ZNF503: variants seen among roughly 807,000 people sequenced by gnomAD.
ZNF503 encodes NocA-like zinc finger 2.
A neutral mutation model predicts 34.4 loss-of-function variants in ZNF503; 15 were observed. The observed-to-expected ratio is 0.44, with a 90% CI of 0.29 to 0.67. The LOEUF (loss-of-function observed/expected upper bound fraction) is 0.67. ZNF503 is among the 30% of genes least tolerant of loss of function. ZNF503 has a pLI of 0.13. For missense variants in ZNF503, 1,007 were observed against 926.8 expected (o/e 1.09, Z -1.12); for synonymous variants, 580 against 456.8 (o/e 1.27, Z -3.44).
chr10:75,333,009 T>C, the ZNF503 span, among the ~76,000 whole-genome samples: 1 of 144,180 alleles, frequency 6.9e-6, no homozygotes, highest in Non-Finnish European at 1.5e-5. Context: ...CCAGACGGGG[T>C]GGTGGCCGGG....
the ZNF503 span, among the ~76,000 whole-genome samples, chr10:75,306,338 C>CT: frequency 9.1e-3 from 1,378 of 151,760 alleles, 24 homozygotes; most frequent in African/African-American, 0.032. Flanking sequence ...ATTTATATAT[C>CT]TTTTTTTTGG....
At chr10:75,310,316 G>A in the ZNF503 span, among the ~76,000 whole-genome samples, 7 of 152,274 alleles carry the variant, frequency 4.6e-5, no homozygotes, top group East Asian at 1.9e-4. Flanking sequence ...AGCTCTCTAC[G>A]TTTGTCTTAT....
the ZNF503 span, among the ~76,000 whole-genome samples, chr10:75,310,833 C>G: frequency 6.6e-6 from 1 of 152,178 alleles, no homozygotes; most frequent in East Asian, 1.9e-4. Flanking sequence ...CTCTCTCCCC[C>G]AACCAGAGCA....
chr10:75,355,089 C>T, the ZNF503 span, among the ~76,000 whole-genome samples: 1 of 152,152 alleles, frequency 6.6e-6, no homozygotes, highest in Non-Finnish European at 1.5e-5. Flanking sequence ...AAATGATTTG[C>T]CCGCCTTGGC....
the ZNF503 span, among the ~76,000 whole-genome samples, chr10:75,368,700 C>G: frequency 6.6e-6 from 1 of 152,150 alleles, no homozygotes; most frequent in Non-Finnish European, 1.5e-5. Flanking sequence ...TCACAGAGAT[C>G]CCTGCATTGG....
At position 75,399,551 on chromosome 10, in the gene ZNF503, G is replaced by A. The variant is rs1172274818; in HGVS notation, c.1139C>T (p.Ala380Val). The change falls in exon 2 of 2, where the codon GCA becomes GTA. Residue 380 changes from alanine to valine, a missense_variant. Transcript: ENST00000372524. ...YPPQFLPHGV[A>V]LDPTKPGSLV... is the part of the protein sequence containing the mutation. ...GCTGCCCGGCTTGGTGGGGTCAAGTGCCACGCCGTGTGGCAGGAACTGGGG... is the reference window on the plus strand; with the variant it reads ...GCTGCCCGGCTTGGTGGGGTCAAGTACCACGCCGTGTGGCAGGAACTGGGG... 4 of 1,594,038 alleles carry A rather than the reference G, an allele frequency of 2.5e-6. No homozygotes were observed. Among genetic ancestry groups the A allele is most frequent in the African/African-American group, 2.7e-5 (2 of 74,808 alleles).
upstream of ZNF503, chr10:75,401,806 G>A (rs372064586): frequency 4.0e-4 from 97 of 243,110 alleles, no homozygotes; most frequent in East Asian, 0.01. Flanking sequence ...CCAAGGGGGA[G>A]ATTAAAGCCT....
chr10:75,297,053 C>A, the ZNF503 span, among the ~76,000 whole-genome samples: 1 of 152,174 alleles, frequency 6.6e-6, no homozygotes, highest in East Asian at 1.9e-4. Context: ...TGTGACCTTG[C>A]CCTTCTGCCA....
At chr10:75,358,758 T>G in the ZNF503 span, 1 of 152,198 alleles carries the variant, frequency 6.6e-6, no homozygotes, top group Non-Finnish European at 1.5e-5. Context: ...TGTTAGCTAA[T>G]GCCAGTCCCT....
At chr10:75,366,732 A>C in the ZNF503 span, among the ~76,000 whole-genome samples, 1 of 152,210 alleles carries the variant, frequency 6.6e-6, no homozygotes, top group African/African-American at 2.4e-5. Flanking sequence ...AGCTTTCTTC[A>C]GCCTTTGGTC....
the ZNF503 span, among the ~76,000 whole-genome samples, chr10:75,341,575 G>A: frequency 5.9e-5 from 9 of 152,094 alleles, no homozygotes; most frequent in Admixed American, 1.3e-4. Flanking sequence ...GCTGAGAATT[G>A]CTAGAATTAA....
chr10:75,351,538 T>C, the ZNF503 span, among the ~76,000 whole-genome samples: 6 of 152,298 alleles, frequency 3.9e-5, no homozygotes, highest in African/African-American at 1.2e-4. Context: ...CTGAGGACTC[T>C]CCACTTTTCA....
the ZNF503 span, among the ~76,000 whole-genome samples, chr10:75,382,084 A>C: frequency 6.6e-6 from 1 of 152,086 alleles, no homozygotes; most frequent in Non-Finnish European, 1.5e-5. Flanking sequence ...TGCTGAGATT[A>C]TAGGCCTGAG....
the ZNF503 span, among the ~76,000 whole-genome samples, chr10:75,324,903 T>G: frequency 6.6e-6 from 1 of 152,198 alleles, no homozygotes; most frequent in African/African-American, 2.4e-5. Flanking sequence ...TTTTCAAGGT[T>G]CATCCATTAT....
the ZNF503 span, among the ~76,000 whole-genome samples, chr10:75,334,568 T>A: frequency 2.0e-5 from 3 of 152,196 alleles, no homozygotes; most frequent in Non-Finnish European, 4.4e-5. Context: ...TGTCTCAGGG[T>A]CAAATTGCAT....
At chr10:75,316,511 T>G in the ZNF503 span, among the ~76,000 whole-genome samples, 1 of 152,044 alleles carries the variant, frequency 6.6e-6, no homozygotes, top group Non-Finnish European at 1.5e-5. Context: ...CACATGCCAC[T>G]GTGCCTGGCC....
the ZNF503 span, chr10:75,358,217 T>C: frequency 6.6e-6 from 1 of 152,196 alleles, no homozygotes; most frequent in African/African-American, 2.4e-5. Flanking sequence ...GAACTTTAAA[T>C]GATTTTATAA....
At chr10:75,326,681 A>C in the ZNF503 span, among the ~76,000 whole-genome samples, 10 of 150,686 alleles carry the variant, frequency 6.6e-5, no homozygotes, top group Non-Finnish European at 1.5e-5. Context: ...TTAATTGTAC[A>C]TATTTATGGG....
At chr10:75,379,547 G>A in the ZNF503 span, among the ~76,000 whole-genome samples, 10 of 152,168 alleles carry the variant, frequency 6.6e-5, no homozygotes, top group Non-Finnish European at 1.2e-4. Context: ...ACTGCTTCAC[G>A]TTGCTGGGAT....
Sources: gnomAD v4.1 joint callset for allele counts (sites outside exome capture counted in the v4.1 genomes callset) on GRCh38, gnomAD v4.1.1 for gene constraint, MANE v1.5 for transcripts, NCBI Gene and HGNC (gene_info 2026-07-23, HGNC 2026-07-21) for gene names.